The following LANCL3 variants were observed in gnomAD, a reference collection of about 807,000 sequenced individuals.
LANCL3 encodes the protein lanC-like protein 3.
Under a neutral mutation model 26.5 loss-of-function variants are expected in LANCL3, and 19 were observed. The ratio of observed to expected loss-of-function variants is 0.72; its 90% CI spans 0.50 to 1.05. The LOEUF (loss-of-function observed/expected upper bound fraction) is 1.05, where lower values mean the gene tolerates loss of function less well. Ranked by LOEUF, LANCL3 falls within the 50% of genes least tolerant of loss-of-function variation. The probability of loss-of-function intolerance (pLI) is 0.00; values close to 1 mark genes in which losing one functional copy is unlikely to be tolerated. For missense variants in LANCL3, 318 were observed against 362.7 expected (o/e 0.88, Z 1.00); for synonymous variants, 160 against 166.6 (o/e 0.96, Z 0.30).
chrX:37,576,305 A>G (rs1602090004), intron 1 of LANCL3, among the ~76,000 whole-genome samples: 1 of 111,975 alleles, frequency 8.9e-6, no homozygotes, highest in African/African-American at 3.2e-5. Flanking sequence ...CCTTCCTGGA[A>G]TAGTTCCAAG....
At position 37,577,134 on chromosome X, in the gene LANCL3, G is replaced by A. The variant is rs1258863071; in HGVS notation, c.573+4691G>A. On this transcript the variant is annotated intron_variant, in intron 1 of 4. Transcript: ENST00000378619. ...CGCCCTGGTTTTCTGTATTAAGAGT[G>A]GATTGACAATATTAAGAATGATAAC... is the stretch of plus-strand genomic sequence containing the variant. 3.6e-5 allele frequency among the ~76,000 whole-genome samples: 4 copies of A among 112,214 alleles called. No homozygotes were observed. In the Admixed American group the frequency reaches 3.8e-4, roughly 11 times the overall value.
intron 1 of LANCL3, among the ~76,000 whole-genome samples, chrX:37,631,891 A>G (rs1192491508): frequency 4.5e-5 from 5 of 110,390 alleles, no homozygotes; most frequent in Admixed American, 9.6e-5. Context: ...CAATTTTGGA[A>G]TAGGTGTGGT....
At chrX:37,588,766 C>A (rs376612589) in intron 1 of LANCL3, among the ~76,000 whole-genome samples, 1 of 112,038 alleles carries the variant, frequency 8.9e-6, no homozygotes, top group South Asian at 3.7e-4. Flanking sequence ...CATAAAGAAG[C>A]GGTTTTTCAG....
chrX:37,590,129 G>C (rs1396010849), intron 1 of LANCL3, among the ~76,000 whole-genome samples: 1 of 112,609 alleles, frequency 8.9e-6, no homozygotes, highest in Non-Finnish European at 1.9e-5. Context: ...CCATATAGGT[G>C]ATGTTGGAAT....
At chrX:37,632,700 C>T (rs1556424677) in intron 1 of LANCL3, among the ~76,000 whole-genome samples, 1 of 110,514 alleles carries the variant, frequency 9.0e-6, no homozygotes, top group Non-Finnish European at 1.9e-5. Flanking sequence ...TTTTATTTCT[C>T]CTTCACTTAT....
intron 1 of LANCL3, among the ~76,000 whole-genome samples, chrX:37,629,207 G>A (rs371203671): frequency 1.0e-4 from 11 of 108,906 alleles, no homozygotes; most frequent in African/African-American, 2.3e-4. Context: ...AGTGATGATG[G>A]GCATTTTTTC....
intron 1 of LANCL3, among the ~76,000 whole-genome samples, chrX:37,576,810 C>T (rs1214968787): frequency 1.8e-5 from 2 of 112,348 alleles, no homozygotes; most frequent in Non-Finnish European, 3.8e-5. Flanking sequence ...GTGGAGGCAG[C>T]GTCCTGGCTT....
chrX:37,665,670 G>A (rs782141184), intron 3 of LANCL3, among the ~76,000 whole-genome samples: 1 of 111,926 alleles, frequency 8.9e-6, no homozygotes, highest in African/African-American at 3.2e-5. Context: ...ATCACCCAGG[G>A]CTGGAACTGA....
Position 37,667,331 on chromosome X carries a change from G to A in LANCL3, c.945G>A (p.Gln315=). Residue 315 remains glutamine, a synonymous_variant, in exon 4 of 5, where the codon CAG becomes CAA. Coordinates refer to ENST00000378619, the MANE Select transcript of LANCL3 (RefSeq NM_001170331.2). ...CTTATCTGGTTTCCAAGAAACCGCA[G>A]TACCTGGACACATGTATTCGGTGTG... ...AKAYLVSKKP[Q]YLDTCIRCGE... is the part of the protein sequence containing the mutation. The A allele has an allele frequency of 8.5e-7, 1 of 1,172,014 alleles. No individual in the cohort carries two copies. The highest frequency in any genetic ancestry group is 2.0e-5 in the South Asian group (1 of 50,569).
intron 1 of LANCL3, among the ~76,000 whole-genome samples, chrX:37,610,518 A>G (rs1924837058): frequency 9.0e-6 from 1 of 111,400 alleles, no homozygotes; most frequent in Non-Finnish European, 1.9e-5. Flanking sequence ...TACAACAGCC[A>G]AAGAGATGGC....
chrX:37,631,094 G>A (rs1035066994), intron 1 of LANCL3, among the ~76,000 whole-genome samples: 18 of 111,661 alleles, frequency 1.6e-4, no homozygotes, highest in East Asian at 2.8e-4. Context: ...ACTCTTTTTC[G>A]TTGGTAAGCT....
intron 1 of LANCL3, among the ~76,000 whole-genome samples, chrX:37,583,535 C>A (rs1923963287): frequency 9.0e-6 from 1 of 111,610 alleles, no homozygotes; most frequent in Non-Finnish European, 1.9e-5. Context: ...TCCTTCACAT[C>A]CCTTGTAAGT....
Position 37,660,149 on chromosome X carries a change from G to A in LANCL3, c.895+490G>A, listed in dbSNP as rs1228153072. On this transcript the variant is annotated intron_variant, in intron 3 of 4. Transcript: ENST00000378619. The stretch of plus-strand genomic sequence containing the variant: ...TCAATTTAGACTAGCCACATTTCAA[G>A]TGCTCAGTATCTACATTGGATAGTG... Among the ~76,000 whole-genome samples the A allele has an allele frequency of 2.7e-5, 3 of 111,281 alleles. No individual in the cohort carries two copies. In the Admixed American group the frequency reaches 2.9e-4, roughly 11 times the overall value.
chrX:37,587,286 A>G (rs1464660213), intron 1 of LANCL3, among the ~76,000 whole-genome samples: 1 of 112,383 alleles, frequency 8.9e-6, no homozygotes, highest in East Asian at 2.8e-4. Context: ...TCAGATTTCA[A>G]ATTCCATGCT....
At chrX:37,667,256 C>T in intron 3 of LANCL3, 26 bp from the exon 4 acceptor site, 1 of 1,017,843 alleles carries the variant, frequency 9.8e-7, no homozygotes, top group African/African-American at 2.0e-5. Flanking sequence ...TGAAAGTCAC[C>T]TCTAATATCT....
chrX:37,649,166 G>T (rs1399209884), intron 1 of LANCL3, among the ~76,000 whole-genome samples: 1 of 112,024 alleles, frequency 8.9e-6, no homozygotes, highest in African/African-American at 3.3e-5. Context: ...TATGTTTATT[G>T]CAGCACTATT....
intron 3 of LANCL3, among the ~76,000 whole-genome samples, chrX:37,665,123 T>C (rs904769030): frequency 3.6e-5 from 4 of 112,096 alleles, no homozygotes; most frequent in African/African-American, 1.3e-4. Flanking sequence ...AATTGGGACA[T>C]TTTGTCCATA....
At position 37,683,389 on chromosome X, in the gene LANCL3, G is replaced by T. The variant is rs1441292938; in HGVS notation, c.*7576G>T. On this transcript the variant is annotated 3_prime_UTR_variant, in exon 5 of 5. Coordinates refer to ENST00000378619, the MANE Select transcript of LANCL3 (RefSeq NM_001170331.2). ...AAGAATTAGTATTATTAATAAAATT[G>T]TACTATTTGCAATATATTTGCCTTG... The T allele has an allele frequency of 3.6e-5, 4 of 111,472 alleles. No individual in the cohort carries two copies. Among genetic ancestry groups the T allele is most frequent in the African/African-American group, 1.3e-4 (4 of 30,771 alleles). 9.2% of individuals were successfully genotyped at this position (111,472 alleles called of 1,213,427 possible).
chrX:37,647,352 T>A (rs1033192547), intron 1 of LANCL3, among the ~76,000 whole-genome samples: 3 of 110,812 alleles, frequency 2.7e-5, no homozygotes, highest in Non-Finnish European at 5.7e-5. Flanking sequence ...AAACCCAGGA[T>A]CTAACAACCC....
Sources: allele counts gnomAD v4.1 joint callset (sites outside exome capture counted in the v4.1 genomes callset), GRCh38; gene constraint gnomAD v4.1.1; transcripts MANE v1.5; gene names NCBI Gene and HGNC (gene_info 2026-07-23, HGNC 2026-07-21).